The following GLIS3 variants were observed in gnomAD, a reference collection of about 807,000 sequenced individuals.
The protein encoded by GLIS3 is GLIS family zinc finger 3.
A neutral mutation model predicts 78.6 loss-of-function variants in GLIS3; 53 were observed. The ratio of observed to expected loss-of-function variants is 0.67; its 90% CI spans 0.54 to 0.85. GLIS3 has a LOEUF of 0.85. GLIS3 is among the 40% of genes least tolerant of loss of function. GLIS3 has a pLI of 0.00. For missense variants in GLIS3, 1,703 were observed against 1,231.1 expected (o/e 1.38, Z -5.74); for synonymous variants, 684 against 509.9 (o/e 1.34, Z -4.60).
the GLIS3 span, among the ~76,000 whole-genome samples, chr9:4,436,754 C>T: frequency 1.5e-5 from 2 of 132,630 alleles, no homozygotes; most frequent in African/African-American, 5.9e-5. Flanking sequence ...TGCAGTGAGC[C>T]GAGATTGCAC....
At chr9:4,078,767 A>C in intron 4 of GLIS3, among the ~76,000 whole-genome samples, 1 of 152,180 alleles carries the variant, frequency 6.6e-6, no homozygotes. Context: ...AAAGTTTGGC[A>C]TGAAAGTTTT....
the GLIS3 span, among the ~76,000 whole-genome samples, chr9:4,431,321 G>A: frequency 2.0e-5 from 3 of 152,278 alleles, no homozygotes; most frequent in South Asian, 2.1e-4. Flanking sequence ...TCCTTACTTC[G>A]CTCTTGTATT....
At chr9:4,176,920 G>A (rs138688628) in intron 2 of GLIS3, among the ~76,000 whole-genome samples, 7 of 152,298 alleles carry the variant, frequency 4.6e-5, no homozygotes, top group African/African-American at 1.2e-4. Flanking sequence ...CACCATGCCC[G>A]GCCTCTTTTA....
chr9:4,171,874 G>A (rs573096314), intron 2 of GLIS3, among the ~76,000 whole-genome samples: 1 of 152,126 alleles, frequency 6.6e-6, no homozygotes, highest in Admixed American at 6.6e-5. Flanking sequence ...GGCTGCTAAG[G>A]AATACATTTA....
chr9:3,901,630 A>C lies in GLIS3; in HGVS notation c.1984-2795T>G, dbSNP rs191760845. Among the ~76,000 whole-genome samples the C allele has an allele frequency of 4.5e-4, 69 of 152,368 alleles. 1 individual carries two copies. Among genetic ancestry groups the C allele is most frequent in the Admixed American group, 1.3e-3 (20 of 15,314 alleles). On this transcript the variant is annotated intron_variant, in intron 6 of 10. Coordinates refer to ENST00000381971, the MANE Select transcript of GLIS3 (RefSeq NM_001042413.2). The stretch of plus-strand genomic sequence containing the variant: ...TCTCAGAAAGCTTCATAAAGAGACA[A>C]ATGCATGTCCAGGTCTTAGCCCAAG...
intron 2 of GLIS3, among the ~76,000 whole-genome samples, chr9:4,163,432 T>C (rs1835658962): frequency 6.6e-6 from 1 of 152,252 alleles, no homozygotes; most frequent in South Asian, 2.1e-4. Context: ...AAGCAAGTGA[T>C]TTGTCCAAGA....
chr9:4,140,190 G>T (rs1029328047), intron 2 of GLIS3, among the ~76,000 whole-genome samples: 5 of 152,144 alleles, frequency 3.3e-5, no homozygotes, highest in African/African-American at 1.2e-4. Flanking sequence ...CAGGCATGGT[G>T]GCGCGTGCCT....
intron 4 of GLIS3, among the ~76,000 whole-genome samples, chr9:4,018,297 C>T (rs575873761): frequency 2.0e-5 from 3 of 152,296 alleles, no homozygotes; most frequent in African/African-American, 7.2e-5. Context: ...GCTTCTTTAT[C>T]CTCTCTCCTT....
At chr9:4,239,468 T>C (rs1342433553) in intron 2 of GLIS3, among the ~76,000 whole-genome samples, 17 of 152,150 alleles carry the variant, frequency 1.1e-4, no homozygotes, top group Admixed American at 5.2e-4. Context: ...GTTGGGGCTA[T>C]TCCTAGAGAC....
chr9:4,444,300 TAA>T, the GLIS3 span, among the ~76,000 whole-genome samples: 1 of 152,218 alleles, frequency 6.6e-6, no homozygotes, highest in Admixed American at 6.5e-5. Flanking sequence ...TACACAATAA[TAA>T]AGACATCTAA....
At chr9:4,374,638 A>G in the GLIS3 span, among the ~76,000 whole-genome samples, 1 of 152,240 alleles carries the variant, frequency 6.6e-6, no homozygotes, top group Non-Finnish European at 1.5e-5. Context: ...CAATCAGGGC[A>G]TCTTGTCTTC....
chr9:4,275,532 G>A (rs1826905408), intron 2 of GLIS3, among the ~76,000 whole-genome samples: 1 of 151,710 alleles, frequency 6.6e-6, no homozygotes, highest in African/African-American at 2.4e-5. Flanking sequence ...GGCCGAGGTG[G>A]AAGGATCGTT....
chr9:4,328,051 C>T (rs1174612988), intron 2 of GLIS3, among the ~76,000 whole-genome samples: 1 of 152,226 alleles, frequency 6.6e-6, no homozygotes, highest in African/African-American at 2.4e-5. Context: ...TCCCACTCCT[C>T]ACTGTTATTA....
intron 1 of GLIS3, among the ~76,000 whole-genome samples, chr9:4,297,551 G>A (rs1395584763): frequency 1.3e-5 from 2 of 152,206 alleles, no homozygotes; most frequent in East Asian, 3.9e-4. Flanking sequence ...CTGAAGTCTT[G>A]GAGGAAGTTG....
the GLIS3 span, among the ~76,000 whole-genome samples, chr9:4,428,841 T>C: frequency 6.6e-6 from 1 of 152,202 alleles, no homozygotes; most frequent in African/African-American, 2.4e-5. Context: ...ACCAAGCCTG[T>C]TCATCTGCCA....
chr9:4,231,723 CTAAG>C (rs1358092588), intron 2 of GLIS3, among the ~76,000 whole-genome samples: 2 of 152,174 alleles, frequency 1.3e-5, no homozygotes, highest in African/African-American at 4.8e-5. Flanking sequence ...TTATGACCAA[CTAAG>C]TATTATTCAA....
intron 2 of GLIS3, among the ~76,000 whole-genome samples, chr9:4,319,750 G>T (rs1308548348): frequency 6.6e-6 from 1 of 152,042 alleles, no homozygotes; most frequent in Non-Finnish European, 1.5e-5. Flanking sequence ...GGATGGTTTT[G>T]AACTCTGCCC....
intron 2 of GLIS3, chr9:4,144,745 G>A (rs1282898946): frequency 2.0e-5 from 3 of 152,182 alleles, no homozygotes; most frequent in Non-Finnish European, 2.9e-5. Context: ...ATAAGCCACT[G>A]GTATGAAAAG....
intron 2 of GLIS3, among the ~76,000 whole-genome samples, chr9:4,339,200 T>G (rs1288849687): frequency 6.6e-6 from 1 of 152,216 alleles, no homozygotes; most frequent in Non-Finnish European, 1.5e-5. Context: ...GGTGTGTAAG[T>G]CACATGAAGC....
Sources: gnomAD v4.1 joint callset for allele counts (sites outside exome capture counted in the v4.1 genomes callset) on GRCh38, gnomAD v4.1.1 for gene constraint, MANE v1.5 for transcripts, NCBI Gene and HGNC (gene_info 2026-07-23, HGNC 2026-07-21) for gene names.